Variants in MPO observed in about 807,000 individuals in gnomAD.
The protein encoded by MPO is myeloperoxidase.
A neutral mutation model predicts 69.4 loss-of-function variants in MPO; 57 were observed. The ratio of observed to expected loss-of-function variants is 0.82; its 90% CI spans 0.66 to 1.02. MPO has a LOEUF of 1.02. Ranked by LOEUF, MPO falls within the 50% of genes least tolerant of loss-of-function variation. The probability of loss-of-function intolerance (pLI) is 0.00; values close to 1 mark genes in which losing one functional copy is unlikely to be tolerated. For synonymous variants in MPO, 426 were observed against 417.1 expected (o/e 1.02, Z -0.26); for missense variants, 971 against 1,014.1 (o/e 0.96, Z 0.58).
At chr17:58,278,386 C>T (rs1970466479) in intron 6 of MPO, among the ~76,000 whole-genome samples, 2 of 152,150 alleles carry the variant, frequency 1.3e-5, no homozygotes, top group African/African-American at 2.4e-5. Context: ...CGCCAGGCCT[C>T]GGATCCCTCC....
In MPO at chr17:58,271,848, T is replaced by C; in HGVS notation, c.1837A>G (p.Thr613Ala). 1 of 1,614,144 alleles carries C rather than the reference T, an allele frequency of 6.2e-7. No homozygotes were observed. Among genetic ancestry groups the C allele is most frequent in the South Asian group, 1.1e-5 (1 of 91,082 alleles). Reference protein sequence around the residue: ...RRFCGLPQPETVGQLGTVLRN... With the variant: ...RRFCGLPQPEAVGQLGTVLRN... The stretch of plus-strand genomic sequence containing the variant: ...AGCACCGTGCCCAGCTGGCCCACAG[T>C]TTCAGGCTGCGGGAGCCCACAGAAG... Residue 613 changes from threonine to alanine, a missense_variant, in exon 11 of 12, where the codon ACT becomes GCT. Physicochemically the swap from Thr to Ala is moderately conservative, Grantham distance 58 (BLOSUM62 0). Transcript: ENST00000225275.
In MPO at chr17:58,275,499, G is replaced by A; in HGVS notation, c.1365+43C>T. 1 of 1,613,218 alleles carries A rather than the reference G, an allele frequency of 6.2e-7. No individual in the cohort carries two copies. Among genetic ancestry groups the A allele is most frequent in the East Asian group, 2.2e-5 (1 of 44,878 alleles). Reference sequence around the variant, plus strand: ...GGTCACACAGCTAGGATGTTGCAGGGACACATCTGGATCCCGTGTGCCCGG... The same window carrying A: ...GGTCACACAGCTAGGATGTTGCAGGAACACATCTGGATCCCGTGTGCCCGG... On this transcript the variant is annotated intron_variant, in intron 8 of 11. Coordinates refer to ENST00000225275, the MANE Select transcript of MPO (RefSeq NM_000250.2). This position sits in a 1 kb window ranked among gnomAD's most constrained non-coding sequence, Gnocchi z 4.1.
intron 8 of MPO, among the ~76,000 whole-genome samples, chr17:58,274,899 C>T (rs1970416628): frequency 6.6e-6 from 1 of 151,980 alleles, no homozygotes; most frequent in African/African-American, 2.4e-5. Flanking sequence ...GAGTCTCGCT[C>T]TGTCACCCAG....
In MPO at chr17:58,273,589, G is replaced by T; in HGVS notation, c.1446C>A (p.Tyr482Ter). The T allele has an allele frequency of 6.2e-7, 1 of 1,614,258 alleles. No individual in the cohort carries two copies. ...CGATGCGTGGGTCCACTGAGTCATT[G>T]TAGGAACGGTACGTGGGCAGGTACT... ...MRKYLPTYRS[Y>*]NDSVDPRIAN... The change falls in exon 9 of 12, where the codon TAC (tyrosine) becomes TAA (stop). Residue 482 changes from tyrosine to a stop codon, truncating the protein, a stop_gained. Transcript: ENST00000225275. LOFTEE classifies it high-confidence loss of function.
In MPO at chr17:58,279,399, G is replaced by A. The variant is rs770060576; in HGVS notation, c.576C>T (p.Asn192=). The A allele has an allele frequency of 1.9e-6, 3 of 1,608,002 alleles. No individual in the cohort carries two copies. Among genetic ancestry groups the A allele is most frequent in the South Asian group, 2.2e-5 (2 of 90,218 alleles). ...CCGGCAGCCAGCGCACAAAGGCACG[G>A]TTGGAGGCCCCCAGCGTGGGGCTGC... The part of the protein sequence containing the change: ...NRRSPTLGAS[N]RAFVRWLPAE... The change falls in exon 5 of 12, where the codon AAC becomes AAT. Residue 192 remains asparagine, a synonymous_variant. Transcript: ENST00000225275.
intron 10 of MPO, among the ~76,000 whole-genome samples, 197 bp downstream of exon 10, chr17:58,272,551 G>C (rs779552051): frequency 6.6e-6 from 1 of 152,220 alleles, no homozygotes; most frequent in Non-Finnish European, 1.5e-5. Flanking sequence ...TGCAAAGGAG[G>C]TTGAGAGGAG....
chr17:58,280,430 C>G lies in MPO; in HGVS notation c.184G>C (p.Val62Leu), dbSNP rs751200999. The G allele has an allele frequency of 6.2e-7, 1 of 1,614,110 alleles. No homozygotes were observed. The highest frequency in any genetic ancestry group is 8.5e-7 in the Non-Finnish European group (1 of 1,179,996). Reference sequence around the variant, plus strand: ...TTGGCCTCCTCCATGGAGCTCAGCACCAACGAGGTGTCCACCTCCCCCAGG... The same window carrying G: ...TTGGCCTCCTCCATGGAGCTCAGCAGCAACGAGGTGTCCACCTCCCCCAGG... ...AVLGEVDTSL[V>L]LSSMEEAKQL... Residue 62 changes from valine to leucine, a missense_variant, in exon 2 of 12, where the codon GTG becomes CTG. Val to Leu is a conservative substitution (Grantham distance 32). Transcript: ENST00000225275.
rs1350763908 is a variant in MPO, at chr17:58,271,864, C to T, written c.1821G>A (p.Gly607=). 13 of 1,614,122 alleles carry T rather than the reference C, an allele frequency of 8.1e-6. No individual in the cohort carries two copies. In the Middle Eastern group the frequency reaches 1.2e-3, roughly 143 times the overall value. Reference sequence around the variant, plus strand: ...GGCCCACAGTTTCAGGCTGCGGGAGCCCACAGAAGCGCCTCCAGGCATTGT... The same window carrying T: ...GGCCCACAGTTTCAGGCTGCGGGAGTCCACAGAAGCGCCTCCAGGCATTGT... ...PGYNAWRRFC[G]LPQPETVGQL... Residue 607 remains glycine (G), a synonymous_variant, in exon 11 of 12, where the codon GGG becomes GGA. Coordinates refer to ENST00000225275, the MANE Select transcript of MPO (RefSeq NM_000250.2).
At position 58,279,546 on chromosome 17, in the gene MPO, G is replaced by C. The variant is rs1205796581; in HGVS notation, c.525C>G (p.Thr175=). 1 of 1,614,110 alleles carries C rather than the reference G, an allele frequency of 6.2e-7. No individual in the cohort carries two copies. The highest frequency in any genetic ancestry group is 8.5e-7 in the Non-Finnish European group (1 of 1,180,028). Residue 175 remains threonine (T), a synonymous_variant, in exon 4 of 12, where the codon ACC becomes ACG. Transcript: ENST00000225275. The part of the protein sequence containing the change: ...VTCPEQDKYR[T]ITGMCNNRRS... ...ACCTGTTGTTGCACATCCCGGTGATGGTGCGGTATTTGTCCTGCTCCGGGC... is the reference window on the plus strand; with the variant it reads ...ACCTGTTGTTGCACATCCCGGTGATCGTGCGGTATTTGTCCTGCTCCGGGC...
rs780808808 is a variant in MPO at position 58,279,082 on chromosome 17, C to T, written c.811G>A (p.Ala271Thr). The change falls in exon 6 of 12, where the codon GCC becomes ACC. Residue 271 changes from alanine to threonine, a missense_variant. By Grantham distance (58) the Ala-to-Thr change is moderately conservative. Coordinates refer to ENST00000225275, the MANE Select transcript of MPO (RefSeq NM_000250.2). ...ACGCCAGTGACGAAGGAGGCCCGGG[C>T]GGCCGGCTCAGGGGTGAAGTCGAGG... ...HDLDFTPEPA[A>T]RASFVTGVNC... The T allele has an allele frequency of 9.3e-6, 15 of 1,613,050 alleles. No individual in the cohort carries two copies. The highest frequency in any genetic ancestry group is 1.2e-5 in the Non-Finnish European group (14 of 1,179,670).
At position 58,277,838 on chromosome 17, in the gene MPO, C is replaced by T. The variant is rs1406737151; in HGVS notation, c.1193G>A (p.Cys398Tyr). 6.2e-7 allele frequency: 1 copy of T among 1,603,658 alleles called. No individual in the cohort carries two copies. The highest frequency in any genetic ancestry group is 8.5e-7 in the Non-Finnish European group (1 of 1,179,980). ...LLTNRSARIPCFLAGDTRSSE... is the reference protein window; with the variant it reads ...LLTNRSARIPYFLAGDTRSSE... ...ACCCCAAAGCTGACCTGCCAGGAAGCAGGGGATGCGCGCTGAGCGGTTGGT... is the reference window on the plus strand; with the variant it reads ...ACCCCAAAGCTGACCTGCCAGGAAGTAGGGGATGCGCGCTGAGCGGTTGGT... Residue 398 changes from cysteine to tyrosine, a missense_variant, in exon 7 of 12, where the codon TGC becomes TAC. Coordinates refer to ENST00000225275, the MANE Select transcript of MPO (RefSeq NM_000250.2).
At chr17:58,279,474 G>T in intron 4 of MPO, 48 bp from the exon 5 acceptor site, 1 of 1,612,486 alleles carries the variant, frequency 6.2e-7, no homozygotes, top group East Asian at 2.2e-5. Context: ...GTGGCGTCCG[G>T]GACGCCTCTC....
Position 58,270,611 on chromosome 17 carries a change from C to G in MPO, c.*45G>C. 6.6e-7 allele frequency: 1 copy of G among 1,523,064 alleles called. No homozygotes were observed. The highest frequency in any genetic ancestry group is 9.0e-7 in the Non-Finnish European group (1 of 1,116,734). 94.3% of individuals were successfully genotyped at this position (1,523,064 alleles called of 1,614,324 possible). On this transcript the variant is annotated 3_prime_UTR_variant, in exon 12 of 12. Coordinates refer to ENST00000225275, the MANE Select transcript of MPO (RefSeq NM_000250.2). The surrounding 1 kb of genome is among the most constrained non-coding windows in gnomAD (Gnocchi z 4.1). The stretch of plus-strand genomic sequence containing the variant: ...AGGAGATCTCCGTGGTTCCAACTGG[C>G]CAGCCCAGATATACCCCTCACTGCT...
chr17:58,272,882 G>A lies in MPO; in HGVS notation c.1658C>T (p.Thr553Ile), dbSNP rs1970385208. 2 of 1,614,018 alleles carry A rather than the reference G, an allele frequency of 1.2e-6. No homozygotes were observed. Among genetic ancestry groups the A allele is most frequent in the African/African-American group, 1.3e-5 (1 of 74,918 alleles). ...GTTCTGACGATTCAGCTTGGCAGGGGTGGCCATGAGGCCCCGGAGGATGGG... is the reference window on the plus strand; with the variant it reads ...GTTCTGACGATTCAGCTTGGCAGGGATGGCCATGAGGCCCCGGAGGATGGG... ...IDPILRGLMA[T>I]PAKLNRQNQI... The change falls in exon 10 of 12, where the codon ACC (threonine) becomes ATC (isoleucine). Residue 553 changes from threonine (T) to isoleucine (I), a missense_variant. Coordinates refer to ENST00000225275, the MANE Select transcript of MPO (RefSeq NM_000250.2).
intron 5 of MPO, 34 bp from the exon 6 acceptor site, chr17:58,279,248 C>G (rs1555608096): frequency 6.4e-7 from 1 of 1,572,556 alleles, no homozygotes; most frequent in East Asian, 2.3e-5. Context: ...GCGCCTGGGT[C>G]CGCGCACCGC....
Position 58,275,626 on chromosome 17 carries a change from G to GAACA in MPO, c.1280_1281insTGTT (p.Thr428ValfsTer10), listed in dbSNP as rs766138040. 1.9e-5 allele frequency: 31 copies of GAACA among 1,613,910 alleles called. No individual in the cohort carries two copies. On this transcript the variant is annotated frameshift_variant, in exon 8 of 12. Transcript: ENST00000225275. LOFTEE classifies it high-confidence loss of function. This position sits in a 1 kb window ranked among gnomAD's most constrained non-coding sequence, Gnocchi z 4.1. ...TAGGGTTCAGGCTCTTGAGCTCTGTGGCCAGCCGGTTGTGCTCCCGAAGTA... is the reference window on the plus strand; with the variant it reads ...TAGGGTTCAGGCTCTTGAGCTCTGTGAACAGCCAGCCGGTTGTGCTCCCGAAGTA...
intron 9 of MPO, 31 bp from the exon 10 acceptor site, chr17:58,272,949 G>A (rs769213195): frequency 6.2e-7 from 1 of 1,612,974 alleles, no homozygotes; most frequent in Admixed American, 1.7e-5. Context: ...GTCAGGGGAA[G>A]TATCTGGCTC....
At chr17:58,278,167 G>C in intron 6 of MPO, 22 bp from the exon 7 acceptor site, 1 of 1,599,242 alleles carries the variant, frequency 6.3e-7, no homozygotes, top group Non-Finnish European at 8.5e-7. Flanking sequence ...AGAGAGGCTA[G>C]ACTGGCTCAC....
chr17:58,277,039 C>G (rs1490730331), intron 7 of MPO, among the ~76,000 whole-genome samples: 1 of 151,716 alleles, frequency 6.6e-6, no homozygotes, highest in Non-Finnish European at 1.5e-5. Flanking sequence ...ACCCAGTTGG[C>G]AGAGGTTGCA....
Sources: allele counts gnomAD v4.1 joint callset (sites outside exome capture counted in the v4.1 genomes callset), GRCh38; gene constraint gnomAD v4.1.1; non-coding constraint Gnocchi (gnomAD v3.1); transcripts MANE v1.5; gene names NCBI Gene and HGNC (gene_info 2026-07-23, HGNC 2026-07-21).